Variants in DLST observed in about 807,000 individuals in gnomAD.
DLST encodes the protein dihydrolipoyllysine-residue succinyltransferase component of 2-oxoglutarate dehydrogenase complex, mitochondrial.
Under a neutral mutation model 53.1 loss-of-function variants are expected in DLST, and 17 were observed. That is an observed-to-expected ratio of 0.32 (90% CI 0.22 to 0.48). The LOEUF (loss-of-function observed/expected upper bound fraction) is 0.48, where lower values mean the gene tolerates loss of function less well. Ranked by LOEUF, DLST falls within the 20% of genes least tolerant of loss-of-function variation. DLST has a pLI of 0.99. For synonymous variants in DLST, 206 were observed against 204.8 expected (o/e 1.01, Z -0.05); for missense variants, 512 against 583.9 (o/e 0.88, Z 1.27).
intron 6 of DLST, among the ~76,000 whole-genome samples, chr14:74,890,751 C>A (rs1248312124): frequency 6.6e-6 from 1 of 151,986 alleles, no homozygotes; most frequent in African/African-American, 2.4e-5. Context: ...TTCGCTCTAT[C>A]ACCCAGGCTG....
intron 8 of DLST, 74 bp downstream of exon 8, chr14:74,893,060 G>T: frequency 1.4e-6 from 2 of 1,471,538 alleles, no homozygotes; most frequent in Non-Finnish European, 1.8e-6. Flanking sequence ...GTAAACTCTA[G>T]ACTGATGATG....
chr14:74,883,073 T>A (rs1396300064), intron 2 of DLST, among the ~76,000 whole-genome samples: 1 of 152,132 alleles, frequency 6.6e-6, no homozygotes, highest in Non-Finnish European at 1.5e-5. Context: ...GGCGGGCGGA[T>A]CACGAGGTCA....
chr14:74,900,091 G>A lies in DLST; in HGVS notation c.975+95G>A, dbSNP rs148768834. 336 of 1,230,914 alleles carry A rather than the reference G, an allele frequency of 2.7e-4. No individual in the cohort carries two copies. The African/African-American group carries it at 4.6e-3, about 17-fold the overall frequency. 76.2% of individuals were successfully genotyped at this position (1,230,914 alleles called of 1,614,324 possible). A position where few individuals can be genotyped will look rare whatever the true frequency, so the allele number is the denominator to read the frequency against. The stretch of plus-strand genomic sequence containing the variant: ...CAAGAGAAATCATTTCTTTAATTCT[G>A]TATTTTTAGAAGGGAGTTAGTAAAA... On this transcript the variant is annotated intron_variant, in intron 12 of 14. Transcript: ENST00000334220.
chr14:74,893,670 G>C (rs1207463356), intron 9 of DLST, among the ~76,000 whole-genome samples: 1 of 152,136 alleles, frequency 6.6e-6, no homozygotes, highest in Non-Finnish European at 1.5e-5. Context: ...GAAAGCCTTG[G>C]GTAAGTTAAA....
chr14:74,886,593 C>G (rs1883712947), intron 3 of DLST, among the ~76,000 whole-genome samples: 1 of 152,168 alleles, frequency 6.6e-6, no homozygotes, highest in South Asian at 2.1e-4. Context: ...CTTAGCCTCC[C>G]AAAGTGGAGG....
intron 3 of DLST, among the ~76,000 whole-genome samples, chr14:74,887,807 T>C (rs1883759450): frequency 6.6e-6 from 1 of 152,242 alleles, no homozygotes; most frequent in Non-Finnish European, 1.5e-5. Flanking sequence ...ACAATTTGTA[T>C]TCTTGTAGTT....
At chr14:74,901,277 G>A in intron 14 of DLST, 44 bp downstream of exon 14, 1 of 1,552,918 alleles carries the variant, frequency 6.4e-7, no homozygotes, top group Non-Finnish European at 8.7e-7. Context: ...AGGTCTCGAT[G>A]AAAGGGAAAT....
intron 3 of DLST, among the ~76,000 whole-genome samples, chr14:74,886,713 T>G (rs1883716706): frequency 6.6e-6 from 1 of 152,038 alleles, no homozygotes; most frequent in Non-Finnish European, 1.5e-5. Context: ...AGTTTGATAG[T>G]CATAAGTCTT....
Position 74,891,114 on chromosome 14 carries a change from A to G in DLST, c.389A>G (p.Asp130Gly). 1 of 1,614,100 alleles carries G rather than the reference A, an allele frequency of 6.2e-7. No homozygotes were observed. Among genetic ancestry groups the G allele is most frequent in the Middle Eastern group, 1.7e-4 (1 of 6,028 alleles). Residue 130 changes from aspartate (D) to glycine (G), a missense_variant, in exon 7 of 15, where the codon GAT (aspartate) becomes GGT (glycine). Transcript: ENST00000334220. ...NGVIEALLVP[D>G]GGKVEGGTPL... ...GTGATTGAAGCTCTTTTGGTACCTG[A>G]TGGGGGAAAAGTCGAAGGAGGCACT... is the stretch of plus-strand genomic sequence containing the variant.
chr14:74,893,076 G>A, intron 8 of DLST, 90 bp downstream of exon 8: 2 of 1,449,582 alleles, frequency 1.4e-6, no homozygotes, highest in South Asian at 2.8e-5. Flanking sequence ...TGATGGTTCT[G>A]AACAGGCCAG....
rs1459212348 is a variant in DLST, at chr14:74,902,458, CAG to C, written c.*131_*132del. 1 of 1,211,008 alleles carries C rather than the reference CAG, an allele frequency of 8.3e-7. No individual in the cohort carries two copies. Among genetic ancestry groups the C allele is most frequent in the East Asian group, 2.5e-5 (1 of 40,594 alleles). 75.0% of individuals were successfully genotyped at this position (1,211,008 alleles called of 1,614,324 possible). A position where few individuals can be genotyped will look rare whatever the true frequency, so the allele number is the denominator to read the frequency against. ...ATGCTGTTGGCCTCAAGCAAGGAAG[CAG>C]AGCACTGTGTAACCAGCAGTCACAG... On this transcript the variant is annotated 3_prime_UTR_variant, in exon 15 of 15. Coordinates refer to ENST00000334220, the MANE Select transcript of DLST (RefSeq NM_001933.5).
intron 6 of DLST, among the ~76,000 whole-genome samples, chr14:74,890,321 G>A (rs1199777848): frequency 6.6e-6 from 1 of 151,798 alleles, no homozygotes; most frequent in Non-Finnish European, 1.5e-5. Flanking sequence ...AGAGACAGGT[G>A]TTGCCAGGCT....
intron 3 of DLST, among the ~76,000 whole-genome samples, chr14:74,886,882 C>T (rs1883722341): frequency 6.6e-6 from 1 of 152,024 alleles, no homozygotes; most frequent in Admixed American, 6.6e-5. Context: ...GCTGGGATTA[C>T]AGGCGCACGC....
At chr14:74,882,543 T>A in intron 1 of DLST, 48 bp from the exon 2 acceptor site, 6 of 1,577,556 alleles carry the variant, frequency 3.8e-6, no homozygotes, top group Non-Finnish European at 5.2e-6. Flanking sequence ...AAAAGCTGGG[T>A]TTTTTTTTCA....
At chr14:74,885,089 G>C (rs1883656145) in intron 2 of DLST, among the ~76,000 whole-genome samples, 1 of 152,280 alleles carries the variant, frequency 6.6e-6, no homozygotes, top group South Asian at 2.1e-4. Flanking sequence ...AAGTAGCCAA[G>C]TCTTTGCTAC....
intron 7 of DLST, among the ~76,000 whole-genome samples, chr14:74,892,412 A>G (rs1883940565): frequency 6.6e-6 from 1 of 152,186 alleles, no homozygotes; most frequent in African/African-American, 2.4e-5. Flanking sequence ...CTATTTTTTA[A>G]TAGTATTCTT....
intron 9 of DLST, 104 bp from the exon 10 acceptor site, chr14:74,894,208 C>G (rs982858827): frequency 1.2e-5 from 16 of 1,368,282 alleles, no homozygotes; most frequent in Non-Finnish European, 1.6e-5. Context: ...ATACTGTAGT[C>G]CTTGGCCATC....
Position 74,889,958 on chromosome 14 carries a change from C to T in DLST, c.330+6C>T. ...GTGAGATTGAAACTGACAAGGTAGGCTTATCTTATATTCGTACCAGCTTTT... is the reference window on the plus strand; with the variant it reads ...GTGAGATTGAAACTGACAAGGTAGGTTTATCTTATATTCGTACCAGCTTTT... On this transcript the variant is annotated splice_donor_region_variant and intron_variant, in intron 6 of 14. Transcript: ENST00000334220. The T allele has an allele frequency of 6.2e-7, 1 of 1,612,974 alleles. No homozygotes were observed. The highest frequency in any genetic ancestry group is 8.5e-7 in the Non-Finnish European group (1 of 1,179,398).
chr14:74,896,907 C>T (rs371565953), intron 10 of DLST, among the ~76,000 whole-genome samples: 1 of 152,202 alleles, frequency 6.6e-6, no homozygotes, highest in African/African-American at 2.4e-5. Context: ...CAATGGCCTG[C>T]GGTCTTGCTG....
Sources: gnomAD v4.1 joint callset for allele counts (sites outside exome capture counted in the v4.1 genomes callset) on GRCh38, gnomAD v4.1.1 for gene constraint, MANE v1.5 for transcripts, NCBI Gene and HGNC (gene_info 2026-07-23, HGNC 2026-07-21) for gene names.